The following ZCCHC14 variants were observed in gnomAD, a reference collection of about 807,000 sequenced individuals.
The protein encoded by ZCCHC14 is zinc finger CCHC domain-containing protein 14.
A neutral mutation model predicts 85.0 loss-of-function variants in ZCCHC14; 16 were observed. That is an observed-to-expected ratio of 0.19 (90% CI 0.13 to 0.29). ZCCHC14 has a LOEUF of 0.29. Ranked by LOEUF, ZCCHC14 falls within the 10% of genes least tolerant of loss-of-function variation. ZCCHC14 has a pLI of 1.00. For missense variants in ZCCHC14, 1,303 were observed against 1,443.5 expected, an observed-to-expected ratio of 0.90 and a Z score of 1.58; for synonymous variants, 775 against 630.7, an observed-to-expected ratio of 1.23 and a Z score of -3.43.
chr16:87,429,027 A>C (rs931636578), intron 3 of ZCCHC14, among the ~76,000 whole-genome samples: 9 of 152,244 alleles, frequency 5.9e-5, no homozygotes, highest in African/African-American at 2.2e-4. Flanking sequence ...TCATGCATGA[A>C]TCTTTTATGA....
At chr16:87,481,337 C>T (rs1282081813) in intron 1 of ZCCHC14, among the ~76,000 whole-genome samples, 1 of 152,076 alleles carries the variant, frequency 6.6e-6, no homozygotes, top group Admixed American at 6.6e-5. Flanking sequence ...CATCAACTGA[C>T]TTGCATTCTA....
At chr16:87,422,003 A>G (rs1909124482) in intron 4 of ZCCHC14, among the ~76,000 whole-genome samples, 1 of 152,230 alleles carries the variant, frequency 6.6e-6, no homozygotes, top group Admixed American at 6.5e-5. Context: ...AGATTCAGAA[A>G]TAACTCAGAT....
chr16:87,414,160 G>GCC (rs1908643801), intron 10 of ZCCHC14, among the ~76,000 whole-genome samples: 1 of 150,328 alleles, frequency 6.7e-6, no homozygotes, highest in African/African-American at 2.5e-5. Flanking sequence ...CGGCACACGG[G>GCC]CCCTCTCTGT....
chr16:87,455,122 C>A (rs2150754444), intron 2 of ZCCHC14, among the ~76,000 whole-genome samples: 1 of 152,314 alleles, frequency 6.6e-6, no homozygotes, highest in African/African-American at 2.4e-5. Context: ...AACCCCATCT[C>A]TACTAAAAAT....
intron 10 of ZCCHC14, 150 bp from the exon 11 acceptor site, chr16:87,413,345 G>T: frequency 8.6e-7 from 1 of 1,164,302 alleles, no homozygotes; most frequent in Non-Finnish European, 1.2e-6. Context: ...GGCCCAGGCC[G>T]CACGGTGACG....
At chr16:87,487,804 C>T (rs1912580046) in intron 1 of ZCCHC14, among the ~76,000 whole-genome samples, 1 of 152,158 alleles carries the variant, frequency 6.6e-6, no homozygotes, top group South Asian at 2.1e-4. Context: ...CACTCGGCAG[C>T]GAAAGAGGAG....
At chr16:87,475,256 A>C (rs891358854) in intron 1 of ZCCHC14, among the ~76,000 whole-genome samples, 1 of 152,188 alleles carries the variant, frequency 6.6e-6, no homozygotes. Context: ...TTTCTTAAAA[A>C]ATGGAAATTC....
At position 87,414,613 on chromosome 16, in the gene ZCCHC14, G is replaced by A. The variant is rs533114862; in HGVS notation, c.1476-72C>T. On this transcript the variant is annotated intron_variant, in intron 9 of 12. Transcript: ENST00000671377. ...GCTGCCTCACATGCGGCTTCAAGAC[G>A]GGTCTACTCCACACCACAGGGCGGC... 4.3e-5 allele frequency: 66 copies of A among 1,529,872 alleles called. No homozygotes were observed. The East Asian group carries it at 1.2e-3, about 29-fold the overall frequency. 94.8% of individuals were successfully genotyped at this position (1,529,872 alleles called of 1,614,324 possible).
chr16:87,425,564 G>A (rs560989747), intron 3 of ZCCHC14, among the ~76,000 whole-genome samples: 3 of 148,768 alleles, frequency 2.0e-5, no homozygotes, highest in Admixed American at 6.7e-5. Flanking sequence ...CAACAAGAGC[G>A]AAACTCTATC....
At chr16:87,462,686 G>C (rs1361842547) in intron 1 of ZCCHC14, among the ~76,000 whole-genome samples, 3 of 151,362 alleles carry the variant, frequency 2.0e-5, no homozygotes, top group Admixed American at 2.0e-4. Flanking sequence ...CTTGCAGTGA[G>C]CCGAGATCGC....
rs150750079 is a variant in ZCCHC14 at position 87,412,033 on chromosome 16, C to A, written c.2688G>T (p.Ser896=). 5.6e-6 allele frequency: 9 copies of A among 1,608,824 alleles called. No homozygotes were observed. The highest frequency in any genetic ancestry group is 7.6e-6 in the Non-Finnish European group (9 of 1,179,880). ...GGGSTGNIPA[S]NPNHHHHHHH... ...GGTGGTGGTGGTGGTGGTTCGGATT[C>A]GAGGCAGGAATGTTTCCTGTGGAGC... Residue 896 remains serine, a synonymous_variant, in exon 12 of 13, where the codon TCG becomes TCT. Transcript: ENST00000671377.
At position 87,411,832 on chromosome 16, in the gene ZCCHC14, G is replaced by A. The variant is rs146011479; in HGVS notation, c.2889C>T (p.Pro963=). ...AGCCGCTGCTGCACATGGGACTGAA[G>A]GGCAAGAAGGGGAAGGTGAACACGG... ...GPSVFTFPFL[P]FSPMCSSGYV... Residue 963 remains proline, a synonymous_variant, in exon 12 of 13, where the codon CCC becomes CCT. Coordinates refer to ENST00000671377, the MANE Select transcript of ZCCHC14 (RefSeq NM_015144.3). The A allele has an allele frequency of 5.6e-6, 9 of 1,610,610 alleles. No homozygotes were observed. The highest frequency in any genetic ancestry group is 1.1e-5 in the South Asian group (1 of 90,692).
At chr16:87,489,671 G>C (rs535233496) in intron 1 of ZCCHC14, among the ~76,000 whole-genome samples, 19 of 152,216 alleles carry the variant, frequency 1.2e-4, no homozygotes, top group Non-Finnish European at 2.5e-4. Flanking sequence ...ATGGCCTTGG[G>C]ACTGGGGTGT....
rs747407525 is a variant in ZCCHC14, at chr16:87,412,106, A to G, written c.2615T>C (p.Leu872Pro). 6.2e-7 allele frequency: 1 copy of G among 1,613,500 alleles called. No individual in the cohort carries two copies. Among genetic ancestry groups the G allele is most frequent in the Non-Finnish European group, 8.5e-7 (1 of 1,180,042 alleles). ...SCPAPSSSPA[L>P]SSVPESSFYS... ...GAAACTGCTTTCAGGGACGGAGGACAGCGCCGGGCTGGAGCTGGGGGCTGG... is the reference window on the plus strand; with the variant it reads ...GAAACTGCTTTCAGGGACGGAGGACGGCGCCGGGCTGGAGCTGGGGGCTGG... The change falls in exon 12 of 13, where the codon CTG (leucine) becomes CCG (proline). Residue 872 changes from leucine (L) to proline (P), a missense_variant. By Grantham distance (98) the Leu-to-Pro change is moderately conservative (BLOSUM62 -3). Coordinates refer to ENST00000671377, the MANE Select transcript of ZCCHC14 (RefSeq NM_015144.3).
At chr16:87,463,778 A>C (rs1425148535) in intron 1 of ZCCHC14, among the ~76,000 whole-genome samples, 1 of 152,162 alleles carries the variant, frequency 6.6e-6, no homozygotes, top group Non-Finnish European at 1.5e-5. Flanking sequence ...AGCTGAGATT[A>C]CACCATATTG....
intron 1 of ZCCHC14, among the ~76,000 whole-genome samples, chr16:87,462,696 C>T (rs1488919242): frequency 1.3e-5 from 2 of 151,040 alleles, no homozygotes; most frequent in Middle Eastern, 3.5e-3. Flanking sequence ...GCCGAGATCG[C>T]GCCCCAGCAC....
In ZCCHC14 at chr16:87,462,564, C is replaced by G. The variant is rs974982916; in HGVS notation, c.571-2433G>C. On this transcript the variant is annotated intron_variant, in intron 1 of 12. Transcript: ENST00000671377. ...GACCATCCTGGCTAACACGGTGAAA[C>G]CCCGTCTCTACTAAAAATACAAAAA... 3.7e-4 allele frequency among the ~76,000 whole-genome samples: 56 copies of G among 151,026 alleles called. 2 individuals carry two copies.
chr16:87,467,045 G>GTTTTTT (rs11313580), intron 1 of ZCCHC14: 1 of 270,734 alleles, frequency 3.7e-6, no homozygotes, highest in Admixed American at 5.3e-5. Context: ...AAAAAAAATT[G>GTTTTTT]TTTTTTTTTT....
At chr16:87,415,044 T>G (rs1908711767) in intron 9 of ZCCHC14, among the ~76,000 whole-genome samples, 1 of 152,038 alleles carries the variant, frequency 6.6e-6, no homozygotes. Flanking sequence ...ATTGCACCAC[T>G]GCACTCCAGC....
Sources: gnomAD v4.1 joint callset for allele counts (sites outside exome capture counted in the v4.1 genomes callset) on GRCh38, gnomAD v4.1.1 for gene constraint, MANE v1.5 for transcripts, NCBI Gene and HGNC (gene_info 2026-07-23, HGNC 2026-07-21) for gene names.